The following C8orf34 variants were observed in gnomAD, a reference collection of about 807,000 sequenced individuals.
C8orf34 encodes the protein uncharacterized protein C8orf34.
Under a neutral mutation model 68.3 loss-of-function variants are expected in C8orf34, and 65 were observed. The observed-to-expected ratio is 0.95, with a 90% CI of 0.78 to 1.17. C8orf34 has a LOEUF of 1.17. Among genes scored for constraint, C8orf34 ranks in the 50% most tolerant of loss-of-function variants. The pLI is 0.00. For synonymous variants in C8orf34, 244 were observed against 241.2 expected (o/e 1.01, Z -0.11); for missense variants, 664 against 655.4 (o/e 1.01, Z -0.14).
chr8:68,619,963 T>C (rs557010162), intron 7 of C8orf34, among the ~76,000 whole-genome samples: 4 of 152,258 alleles, frequency 2.6e-5, no homozygotes, highest in African/African-American at 9.6e-5. Context: ...GTGTAGGGTA[T>C]AGAAATAGTC....
intron 2 of C8orf34, among the ~76,000 whole-genome samples, chr8:68,440,389 G>T (rs182310954): frequency 7.9e-4 from 120 of 152,170 alleles, no homozygotes; most frequent in African/African-American, 2.6e-3. Flanking sequence ...TGCTTTATGG[G>T]ATCCCATGAA....
chr8:68,418,201 C>T (rs1052050574), intron 1 of C8orf34, among the ~76,000 whole-genome samples: 11 of 142,228 alleles, frequency 7.7e-5, no homozygotes, highest in Admixed American at 4.2e-4. Context: ...TGGGCTGAGA[C>T]AATGGGGTTT....
At chr8:68,484,523 C>T (rs1206953277) in intron 4 of C8orf34, among the ~76,000 whole-genome samples, 1 of 152,190 alleles carries the variant, frequency 6.6e-6, no homozygotes, top group Admixed American at 6.5e-5. Flanking sequence ...TTCATTTTCT[C>T]TTGCATATTT....
At chr8:68,745,191 T>A (rs1223687031) in intron 10 of C8orf34, among the ~76,000 whole-genome samples, 1 of 151,910 alleles carries the variant, frequency 6.6e-6, no homozygotes, top group Admixed American at 6.6e-5. Flanking sequence ...TGCTGAAAGA[T>A]TTTGTCACCA....
At chr8:68,349,749 G>A (rs968403162) in intron 1 of C8orf34, among the ~76,000 whole-genome samples, 3 of 150,384 alleles carry the variant, frequency 2.0e-5, no homozygotes, top group Admixed American at 6.6e-5. Context: ...TTAGGTTTTC[G>A]AGTTTGTGTG....
intron 10 of C8orf34, among the ~76,000 whole-genome samples, chr8:68,771,384 A>G (rs887646069): frequency 6.6e-6 from 1 of 152,194 alleles, no homozygotes; most frequent in African/African-American, 2.4e-5. Context: ...GAGAAAACAC[A>G]ACATGTAGCC....
intron 10 of C8orf34, among the ~76,000 whole-genome samples, chr8:68,741,344 T>C (rs1585808312): frequency 6.6e-6 from 1 of 152,306 alleles, no homozygotes; most frequent in East Asian, 1.9e-4. Context: ...TTTTTGTGGG[T>C]ACATTGGTGG....
intron 10 of C8orf34, among the ~76,000 whole-genome samples, chr8:68,738,809 A>C (rs1024233695): frequency 5.3e-5 from 8 of 152,084 alleles, no homozygotes; most frequent in Non-Finnish European, 1.0e-4. Flanking sequence ...TACCAACCAA[A>C]AAAAGGCCAG....
rs779112509 is a variant in C8orf34, at chr8:68,667,019, C to T, written c.1241+26508C>T. Among the ~76,000 whole-genome samples, 77 of 152,132 alleles carry T rather than the reference C, an allele frequency of 5.1e-4. 1 individual carries two copies. Among genetic ancestry groups the T allele is most frequent in the African/African-American group, 1.3e-3 (52 of 41,526 alleles). Reference sequence around the variant, plus strand: ...ACATGCAGAACAAAATTATTCTAATCGCTGAAGGAGAGAACTCACAGAACT... The same window carrying T: ...ACATGCAGAACAAAATTATTCTAATTGCTGAAGGAGAGAACTCACAGAACT... On this transcript the variant is annotated intron_variant, in intron 8 of 13. Coordinates refer to ENST00000518698, the MANE Select transcript of C8orf34 (RefSeq NM_052958.4).
intron 7 of C8orf34, among the ~76,000 whole-genome samples, chr8:68,557,776 T>C (rs146037476): frequency 1.4e-3 from 217 of 152,320 alleles, no homozygotes; most frequent in African/African-American, 5.1e-3. Context: ...GGTTTCTACT[T>C]AACATTCACT....
chr8:68,333,555 G>A (rs1805722751), intron 1 of C8orf34, among the ~76,000 whole-genome samples: 2 of 152,176 alleles, frequency 1.3e-5, no homozygotes, highest in Non-Finnish European at 2.9e-5. Context: ...AAAATTGGAA[G>A]ATTTTACTAG....
At chr8:68,489,879 TA>T (rs1447982087) in intron 5 of C8orf34, among the ~76,000 whole-genome samples, 4 of 152,186 alleles carry the variant, frequency 2.6e-5, no homozygotes, top group Admixed American at 1.3e-4. Context: ...TCTGACTCAC[TA>T]AAAAAATATA....
intron 12 of C8orf34, among the ~76,000 whole-genome samples, chr8:68,815,369 C>T (rs905636280): frequency 2.0e-5 from 3 of 152,190 alleles, no homozygotes; most frequent in Middle Eastern, 6.8e-3. Context: ...TATATATACA[C>T]ATATACACAT....
chr8:68,550,993 T>C (rs1229775321), intron 7 of C8orf34, among the ~76,000 whole-genome samples: 1 of 151,822 alleles, frequency 6.6e-6, no homozygotes, highest in Non-Finnish European at 1.5e-5. Context: ...GGTATAGTTC[T>C]ACTGACATTT....
At chr8:68,401,861 T>TTGTGTGTGTGTGTG (rs34713905) in intron 1 of C8orf34, among the ~76,000 whole-genome samples, 1 of 148,954 alleles carries the variant, frequency 6.7e-6, no homozygotes, top group African/African-American at 2.5e-5. Flanking sequence ...CAGTTCTCTT[T>TTGTGTGTGTGTGTG]TGTGTGTGTG....
At chr8:68,754,291 A>T (rs1333455220) in intron 10 of C8orf34, among the ~76,000 whole-genome samples, 1 of 152,206 alleles carries the variant, frequency 6.6e-6, no homozygotes, top group Non-Finnish European at 1.5e-5. Context: ...TGAAAGCGTT[A>T]CTTTTACATT....
chr8:68,453,043 T>C (rs907880759), intron 3 of C8orf34, among the ~76,000 whole-genome samples: 2 of 151,972 alleles, frequency 1.3e-5, no homozygotes, highest in African/African-American at 2.4e-5. Flanking sequence ...CATTGAATAA[T>C]CTTGTCACCC....
chr8:68,404,534 C>T (rs1194505408), intron 1 of C8orf34, among the ~76,000 whole-genome samples: 2 of 152,110 alleles, frequency 1.3e-5, no homozygotes, highest in Admixed American at 6.6e-5. Flanking sequence ...TTTAATCCAT[C>T]TTGAGTTAAT....
intron 11 of C8orf34, among the ~76,000 whole-genome samples, chr8:68,777,568 C>T (rs572463434): frequency 1.3e-5 from 2 of 152,260 alleles, no homozygotes; most frequent in South Asian, 4.1e-4. Flanking sequence ...CTGCCATCAT[C>T]GGGGGCTTGT....
Sources: allele counts gnomAD v4.1 joint callset (sites outside exome capture counted in the v4.1 genomes callset), GRCh38; gene constraint gnomAD v4.1.1; transcripts MANE v1.5; gene names NCBI Gene and HGNC (gene_info 2026-07-23, HGNC 2026-07-21).